Variants in XYLT1 observed in about 807,000 individuals in gnomAD.
XYLT1 encodes xylosyltransferase 1.
A neutral mutation model predicts 91.3 loss-of-function variants in XYLT1; 36 were observed. The observed-to-expected ratio is 0.39, with a 90% CI of 0.30 to 0.52. The LOEUF is 0.52. Ranked by LOEUF, XYLT1 falls within the 20% of genes least tolerant of loss-of-function variation. The pLI is 0.68. For synonymous variants in XYLT1, 588 were observed against 532.0 expected (o/e 1.11, Z -1.45); for missense variants, 1,242 against 1,284.5 (o/e 0.97, Z 0.51).
At chr16:17,213,951 T>C (rs1241697061) in intron 3 of XYLT1, among the ~76,000 whole-genome samples, 1 of 152,120 alleles carries the variant, frequency 6.6e-6, no homozygotes. Flanking sequence ...TCAGCACAGA[T>C]CAATATTTCA....
chr16:17,336,692 C>T (rs554808611), intron 2 of XYLT1, among the ~76,000 whole-genome samples: 136 of 152,332 alleles, frequency 8.9e-4, no homozygotes, highest in Non-Finnish European at 1.8e-3. Context: ...AAGTCCAGCC[C>T]GTCCGAATCC....
intron 2 of XYLT1, among the ~76,000 whole-genome samples, chr16:17,275,311 C>T (rs1411992434): frequency 1.3e-5 from 2 of 152,188 alleles, no homozygotes; most frequent in Non-Finnish European, 2.9e-5. Flanking sequence ...AATCACACAG[C>T]ATGGTTATAA....
At chr16:17,400,870 T>C (rs971083883) in intron 1 of XYLT1, among the ~76,000 whole-genome samples, 1 of 151,748 alleles carries the variant, frequency 6.6e-6, no homozygotes, top group East Asian at 1.9e-4. Context: ...ATTGGGAAAG[T>C]AGTAACCCTA....
intron 11 of XYLT1, among the ~76,000 whole-genome samples, chr16:17,117,197 T>G (rs1286898740): frequency 6.6e-6 from 1 of 152,252 alleles, no homozygotes; most frequent in Non-Finnish European, 1.5e-5. Flanking sequence ...TTATAAATTC[T>G]GAACATGAGT....
intron 6 of XYLT1, among the ~76,000 whole-genome samples, chr16:17,144,370 T>G (rs962439282): frequency 6.6e-6 from 1 of 152,206 alleles, no homozygotes; most frequent in Non-Finnish European, 1.5e-5. Flanking sequence ...TAGGAACTCA[T>G]AGTCTGACTG....
chr16:17,332,042 A>T (rs2034905710), intron 2 of XYLT1, among the ~76,000 whole-genome samples: 1 of 152,166 alleles, frequency 6.6e-6, no homozygotes, highest in South Asian at 2.1e-4. Context: ...GGACACAGGG[A>T]TTATTGCATC....
intron 5 of XYLT1, among the ~76,000 whole-genome samples, chr16:17,164,990 G>T (rs2031643458): frequency 6.6e-6 from 1 of 152,186 alleles, no homozygotes. Context: ...AACCACAGGA[G>T]AAGTGCACAC....
chr16:17,122,679 T>C (rs946548481), intron 10 of XYLT1, among the ~76,000 whole-genome samples: 1 of 152,182 alleles, frequency 6.6e-6, no homozygotes, highest in African/African-American at 2.4e-5. Flanking sequence ...TCTAGAAGGG[T>C]TTTTCCAATT....
At chr16:17,379,770 C>G (rs1422023007) in intron 1 of XYLT1, among the ~76,000 whole-genome samples, 2 of 149,538 alleles carry the variant, frequency 1.3e-5, no homozygotes, top group East Asian at 3.9e-4. Context: ...CTCTCACACA[C>G]ACACACACAC....
chr16:17,215,898 C>A (rs1258535314), intron 3 of XYLT1, among the ~76,000 whole-genome samples: 1 of 152,036 alleles, frequency 6.6e-6, no homozygotes, highest in Admixed American at 6.6e-5. Flanking sequence ...TTAAGGACTG[C>A]AATTGAAGAG....
chr16:17,110,391 A>C (rs931831031), intron 11 of XYLT1, among the ~76,000 whole-genome samples: 1 of 152,156 alleles, frequency 6.6e-6, no homozygotes, highest in African/African-American at 2.4e-5. Flanking sequence ...AGTTTTTGCC[A>C]TGTTGTTCTT....
intron 1 of XYLT1, among the ~76,000 whole-genome samples, chr16:17,456,546 G>T (rs1380598230): frequency 6.6e-6 from 1 of 151,988 alleles, no homozygotes; most frequent in African/African-American, 2.4e-5. Flanking sequence ...CCACTATGTT[G>T]CCCAGGCTGG....
intron 6 of XYLT1, among the ~76,000 whole-genome samples, chr16:17,157,732 T>C (rs1350637948): frequency 6.6e-6 from 1 of 151,992 alleles, no homozygotes; most frequent in Non-Finnish European, 1.5e-5. Context: ...CCTGGACTGG[T>C]GTTTAATGGT....
intron 5 of XYLT1, among the ~76,000 whole-genome samples, chr16:17,181,874 C>A (rs965485665): frequency 6.6e-6 from 1 of 152,058 alleles, no homozygotes; most frequent in Non-Finnish European, 1.5e-5. Flanking sequence ...CTAAGGTCTC[C>A]CTGGTGGATT....
At chr16:17,280,080 G>A (rs886294333) in intron 2 of XYLT1, among the ~76,000 whole-genome samples, 13 of 152,208 alleles carry the variant, frequency 8.5e-5, no homozygotes, top group African/African-American at 2.7e-4. Context: ...GCTGGGCGTG[G>A]TGGCTCATGC....
intron 1 of XYLT1, among the ~76,000 whole-genome samples, chr16:17,393,650 A>G (rs796900583): frequency 3.9e-5 from 6 of 152,264 alleles, no homozygotes; most frequent in African/African-American, 1.4e-4. Flanking sequence ...GTGGTGGCTC[A>G]CATCTGTAAC....
At chr16:17,115,416 C>A (rs1303645977) in intron 11 of XYLT1, among the ~76,000 whole-genome samples, 1 of 149,958 alleles carries the variant, frequency 6.7e-6, no homozygotes, top group African/African-American at 2.4e-5. Context: ...CCCAGGAGCT[C>A]GAGGCTGCAG....
intron 6 of XYLT1, among the ~76,000 whole-genome samples, chr16:17,151,886 A>C (rs16968513): frequency 3.3e-5 from 5 of 152,290 alleles, no homozygotes; most frequent in Admixed American, 1.3e-4. Context: ...GCAGAAAAAG[A>C]AGCTCAAGTA....
chr16:17,274,153 C>G (rs1006982377), intron 2 of XYLT1, among the ~76,000 whole-genome samples: 7 of 152,028 alleles, frequency 4.6e-5, no homozygotes, highest in African/African-American at 1.7e-4. Flanking sequence ...CTCAAGTGAT[C>G]CACCTGCCTC....
Sources: allele counts gnomAD v4.1 joint callset (sites outside exome capture counted in the v4.1 genomes callset), GRCh38; gene constraint gnomAD v4.1.1; transcripts MANE v1.5; gene names NCBI Gene and HGNC (gene_info 2026-07-23, HGNC 2026-07-21).